The following TXNDC9 variants were observed in gnomAD, a reference collection of about 807,000 sequenced individuals.
TXNDC9 encodes the protein thioredoxin domain-containing protein 9.
A neutral mutation model predicts 23.0 loss-of-function variants in TXNDC9; 7 were observed. That is an observed-to-expected ratio of 0.30 (90% CI 0.17 to 0.57). The LOEUF (loss-of-function observed/expected upper bound fraction) is 0.57, where lower values mean the gene tolerates loss of function less well. Ranked by LOEUF, TXNDC9 falls within the 20% of genes least tolerant of loss-of-function variation. The pLI is 0.90. For missense variants in TXNDC9, 198 were observed against 252.6 expected, an observed-to-expected ratio of 0.78 and a Z score of 1.47; for synonymous variants, 72 against 90.6, an observed-to-expected ratio of 0.79 and a Z score of 1.17.
At position 99,327,070 on chromosome 2, in the gene TXNDC9, CT is replaced by C. The variant is rs575885328; in HGVS notation, c.308+464del. Among the ~76,000 whole-genome samples the C allele has an allele frequency of 2.6e-3, 391 of 151,834 alleles. 1 individual carries two copies. The highest frequency in any genetic ancestry group is 6.8e-3 in the Middle Eastern group (2 of 294). On this transcript the variant is annotated intron_variant, in intron 3 of 4. Coordinates refer to ENST00000264255, the MANE Select transcript of TXNDC9 (RefSeq NM_005783.4). ...AGTTACTCTTTAAAATAACAATTAA[CT>C]TTTTTTTTCTTTCTTTTTTGAGATG...
chr2:99,322,300 GT>G lies in TXNDC9; in HGVS notation c.309-92del, dbSNP rs571337106. 19 of 1,483,238 alleles carry G rather than the reference GT, an allele frequency of 1.3e-5. No homozygotes were observed. The South Asian group carries it at 2.5e-4, about 20-fold the overall frequency. 91.9% of individuals were successfully genotyped at this position (1,483,238 alleles called of 1,614,324 possible). ...TCATCAAGGGAAATCTAATTATGTA[GT>G]TTTTCTGTTGACTCTCATAACATGG... On this transcript the variant is annotated intron_variant, in intron 3 of 4. Coordinates refer to ENST00000264255, the MANE Select transcript of TXNDC9 (RefSeq NM_005783.4).
intron 3 of TXNDC9, among the ~76,000 whole-genome samples, chr2:99,325,926 AC>A (rs1474661753): frequency 2.6e-5 from 4 of 151,956 alleles, no homozygotes; most frequent in African/African-American, 9.6e-5. Context: ...CAGGAGAATC[AC>A]TTGAACCCGG....
the TXNDC9 span, among the ~76,000 whole-genome samples, chr2:99,311,535 T>C: frequency 2.0e-5 from 3 of 152,100 alleles, no homozygotes; most frequent in African/African-American, 7.2e-5. Flanking sequence ...TGGGCTGAAG[T>C]GATCCTCGGC....
chr2:99,316,849 C>A (rs896279497), downstream of TXNDC9, among the ~76,000 whole-genome samples: 1 of 152,084 alleles, frequency 6.6e-6, no homozygotes, highest in Non-Finnish European at 1.5e-5. Context: ...CTCCGCCTCC[C>A]GGGTTCACGC....
the TXNDC9 span, among the ~76,000 whole-genome samples, chr2:99,312,000 A>G: frequency 2.6e-5 from 4 of 152,218 alleles, no homozygotes; most frequent in East Asian, 1.9e-4. Flanking sequence ...TATGAAGGCC[A>G]TAAGTTGTTT....
chr2:99,312,683 A>T, the TXNDC9 span, among the ~76,000 whole-genome samples: 1 of 152,196 alleles, frequency 6.6e-6, no homozygotes, highest in Non-Finnish European at 1.5e-5. Flanking sequence ...AACAAAGACA[A>T]ATGTTAGTGT....
intron 3 of TXNDC9, among the ~76,000 whole-genome samples, chr2:99,327,109 A>T (rs1382151410): frequency 6.6e-6 from 1 of 151,964 alleles, no homozygotes; most frequent in Non-Finnish European, 1.5e-5. Flanking sequence ...GTCTCACTCT[A>T]TCGCTCGAGC....
chr2:99,334,304 A>G (rs2094233406), intron 1 of TXNDC9, among the ~76,000 whole-genome samples: 1 of 152,220 alleles, frequency 6.6e-6, no homozygotes. Flanking sequence ...CAGTGGGCTG[A>G]GAACGCACCA....
intron 4 of TXNDC9, 133 bp from the exon 5 acceptor site, chr2:99,319,932 G>GTA: frequency 1.6e-6 from 1 of 606,758 alleles, no homozygotes; most frequent in Non-Finnish European, 2.8e-6. Flanking sequence ...CAGGGAAGAG[G>GTA]TATAATGCTT....
At chr2:99,314,106 C>A (rs56364129), downstream of TXNDC9, among the ~76,000 whole-genome samples, 4,768 of 152,168 alleles carry the variant, frequency 0.031, 200 homozygotes, top group African/African-American at 0.094. Flanking sequence ...GATTGCTCTG[C>A]GGAATTTCTC....
At chr2:99,332,774 A>G (rs2094229060) in intron 2 of TXNDC9, 1 of 418,330 alleles carries the variant, frequency 2.4e-6, no homozygotes, top group African/African-American at 2.0e-5. Context: ...AAACAAATCC[A>G]AGCTCAGAAA....
intron 2 of TXNDC9, among the ~76,000 whole-genome samples, chr2:99,332,453 A>C (rs1310746027): frequency 6.6e-6 from 1 of 152,150 alleles, no homozygotes; most frequent in Non-Finnish European, 1.5e-5. Flanking sequence ...AAAAAGCAGA[A>C]AAAAAAATTT....
At chr2:99,330,698 A>G (rs1056749399) in intron 2 of TXNDC9, among the ~76,000 whole-genome samples, 1 of 152,216 alleles carries the variant, frequency 6.6e-6, no homozygotes, top group Non-Finnish European at 1.5e-5. Flanking sequence ...GGCTGACAGA[A>G]GAATATAGAT....
rs1293027666 is a variant in TXNDC9 at position 99,332,218 on chromosome 2, G to A, written c.189+804C>T. 9.2e-5 allele frequency among the ~76,000 whole-genome samples: 14 copies of A among 152,188 alleles called. No individual in the cohort carries two copies. The East Asian group carries it at 1.2e-3, about 13-fold the overall frequency. On this transcript the variant is annotated intron_variant, in intron 2 of 4. Transcript: ENST00000264255. ...ATCACTTTGGCAGGCTAAGGTGGGC[G>A]GATCACTTGAGGTCAGAAGTTCAAG...
At chr2:99,312,321 C>A in the TXNDC9 span, among the ~76,000 whole-genome samples, 1 of 151,978 alleles carries the variant, frequency 6.6e-6, no homozygotes, top group Non-Finnish European at 1.5e-5. Context: ...TATGGTGAAA[C>A]CCCGTCCCTA....
chr2:99,310,504 T>C, the TXNDC9 span, among the ~76,000 whole-genome samples: 6 of 152,160 alleles, frequency 3.9e-5, no homozygotes, highest in African/African-American at 4.8e-5. Flanking sequence ...ATTAGAATGA[T>C]TGGAATCACT....
chr2:99,317,954 G>C (rs548852233), downstream of TXNDC9, among the ~76,000 whole-genome samples: 47 of 152,282 alleles, frequency 3.1e-4, no homozygotes, highest in African/African-American at 1.0e-3. Flanking sequence ...GGAGTGGTGT[G>C]ATCTTGGCCC....
At chr2:99,313,143 C>G in the TXNDC9 span, among the ~76,000 whole-genome samples, 1 of 152,032 alleles carries the variant, frequency 6.6e-6, no homozygotes, top group East Asian at 1.9e-4. Context: ...GCCTGGACAA[C>G]AAGAGCGAAA....
At chr2:99,316,936 T>G (rs374997504), downstream of TXNDC9, among the ~76,000 whole-genome samples, 45 of 152,286 alleles carry the variant, frequency 3.0e-4, no homozygotes, top group East Asian at 6.0e-3. Context: ...TTTTGTATTT[T>G]TAGTAGAGAC....
Sources: gnomAD v4.1 joint callset for allele counts (sites outside exome capture counted in the v4.1 genomes callset) on GRCh38, gnomAD v4.1.1 for gene constraint, MANE v1.5 for transcripts, NCBI Gene and HGNC (gene_info 2026-07-23, HGNC 2026-07-21) for gene names.